Variants in MCTP1 observed in about 807,000 individuals in gnomAD.
MCTP1 encodes multiple C2 and transmembrane domain containing 1.
A neutral mutation model predicts 120.6 loss-of-function variants in MCTP1; 69 were observed. The observed-to-expected ratio is 0.57, with a 90% CI of 0.47 to 0.70. The LOEUF (loss-of-function observed/expected upper bound fraction) is 0.70, where lower values mean the gene tolerates loss of function less well. Among genes scored for constraint, MCTP1 ranks in the 30% least tolerant of loss-of-function variants. The pLI, the probability that MCTP1 is intolerant of heterozygous loss-of-function variation, is 0.00. For missense variants in MCTP1, 1,203 were observed against 1,248.8 expected (o/e 0.96, Z 0.55); for synonymous variants, 529 against 493.1 (o/e 1.07, Z -0.96).
chr5:95,234,762 G>T (rs1755351448), intron 1 of MCTP1, among the ~76,000 whole-genome samples: 1 of 152,096 alleles, frequency 6.6e-6, no homozygotes, highest in African/African-American at 2.4e-5. Context: ...TTCCTTAAAA[G>T]ATGCAAACTC....
chr5:94,735,172 A>G (rs979493187), intron 19 of MCTP1, among the ~76,000 whole-genome samples: 2 of 152,172 alleles, frequency 1.3e-5, no homozygotes, highest in South Asian at 4.1e-4. Flanking sequence ...CACCAGGAGG[A>G]CACGGAGTTA....
intron 1 of MCTP1, among the ~76,000 whole-genome samples, chr5:95,033,888 C>A (rs1840752796): frequency 6.6e-6 from 1 of 152,048 alleles, no homozygotes; most frequent in Non-Finnish European, 1.5e-5. Context: ...GATAGAAGAT[C>A]AATGTACACA....
chr5:95,078,854 T>C (rs766751679), intron 1 of MCTP1, among the ~76,000 whole-genome samples: 1 of 152,150 alleles, frequency 6.6e-6, no homozygotes, highest in Non-Finnish European at 1.5e-5. Flanking sequence ...ATAGAACCCA[T>C]ACCTAATAAA....
chr5:94,841,765 C>T (rs295212), intron 17 of MCTP1, among the ~76,000 whole-genome samples: 6,988 of 152,162 alleles, frequency 0.046, 221 homozygotes, highest in Non-Finnish European at 0.071. Flanking sequence ...GAATGTGGAA[C>T]ACATTGTTAA....
chr5:94,959,571 T>A (rs1283763953), intron 2 of MCTP1, among the ~76,000 whole-genome samples: 6 of 152,182 alleles, frequency 3.9e-5, no homozygotes, highest in Non-Finnish European at 8.8e-5. Flanking sequence ...TTCAGCAAAG[T>A]CTCAGGATAC....
intron 17 of MCTP1, among the ~76,000 whole-genome samples, chr5:94,800,902 A>G (rs1224369220): frequency 1.3e-5 from 2 of 152,082 alleles, no homozygotes; most frequent in African/African-American, 4.8e-5. Flanking sequence ...CATATCTTTT[A>G]TTTTATGAGA....
At chr5:95,078,820 A>T (rs979228824) in intron 1 of MCTP1, among the ~76,000 whole-genome samples, 2 of 152,140 alleles carry the variant, frequency 1.3e-5, no homozygotes, top group Non-Finnish European at 2.9e-5. Flanking sequence ...TCTCCATCAT[A>T]AAAAGGAAAT....
chr5:94,946,445 T>C (rs1228318875), intron 3 of MCTP1, among the ~76,000 whole-genome samples: 2 of 152,132 alleles, frequency 1.3e-5, no homozygotes, highest in Non-Finnish European at 2.9e-5. Flanking sequence ...TGGAACCATA[T>C]GGATCTTCAA....
chr5:95,217,411 C>A (rs1433714995), intron 1 of MCTP1, among the ~76,000 whole-genome samples: 1 of 152,144 alleles, frequency 6.6e-6, no homozygotes, highest in Non-Finnish European at 1.5e-5. Flanking sequence ...GTCAGAACAA[C>A]AAATACAATT....
intron 2 of MCTP1, among the ~76,000 whole-genome samples, chr5:95,003,067 A>T (rs562384721): frequency 2.0e-5 from 3 of 152,014 alleles, no homozygotes; most frequent in Admixed American, 1.3e-4. Context: ...GCTGGCATTC[A>T]TTTTCTCGCC....
intron 11 of MCTP1, 117 bp from the exon 12 acceptor site, chr5:94,889,089 A>ATCTGTTTGAAGAATATTGTAGAG: frequency 1.6e-6 from 1 of 613,732 alleles, no homozygotes; most frequent in Non-Finnish European, 2.8e-6. Context: ...AAGAAGATCA[A>ATCTGTTTGAAGAATATTGTAGAG]CATTAAACTA....
Position 94,836,412 on chromosome 5 carries a change from C to T in MCTP1, c.2436+31921G>A, listed in dbSNP as rs920885633. Among the ~76,000 whole-genome samples the T allele has an allele frequency of 9.9e-5, 15 of 152,042 alleles. 1 individual carries two copies. Among genetic ancestry groups the T allele is most frequent in the African/African-American group, 4.8e-5 (2 of 41,392 alleles). ...TAAAACATGATACGGTATTGTTAAG[C>T]GACAGAATGAATAGTAAAGACAGAC... On this transcript the variant is annotated intron_variant, in intron 17 of 22. Transcript: ENST00000515393.
At chr5:94,855,154 C>T (rs1322357387) in intron 17 of MCTP1, among the ~76,000 whole-genome samples, 1 of 151,884 alleles carries the variant, frequency 6.6e-6, no homozygotes, top group Non-Finnish European at 1.5e-5. Context: ...ATAATGGTTA[C>T]ATAGCCCTTA....
chr5:95,159,595 G>T (rs1745495667), intron 1 of MCTP1, among the ~76,000 whole-genome samples: 1 of 152,006 alleles, frequency 6.6e-6, no homozygotes, highest in Admixed American at 6.6e-5. Flanking sequence ...GTATGTACCA[G>T]ATATATCTTA....
chr5:95,237,687 A>G (rs1372719860), intron 1 of MCTP1, among the ~76,000 whole-genome samples: 1 of 152,222 alleles, frequency 6.6e-6, no homozygotes, highest in Non-Finnish European at 1.5e-5. Flanking sequence ...TGATTCATTA[A>G]TAAAACATGA....
chr5:94,722,780 T>A (rs1046841664), intron 19 of MCTP1, among the ~76,000 whole-genome samples: 5 of 152,224 alleles, frequency 3.3e-5, no homozygotes, highest in African/African-American at 9.6e-5. Context: ...TATTATAGTT[T>A]ACCATTGATT....
chr5:95,108,277 T>C (rs892094512), intron 1 of MCTP1, among the ~76,000 whole-genome samples: 2 of 152,152 alleles, frequency 1.3e-5, no homozygotes, highest in African/African-American at 4.8e-5. Context: ...CCAGGTGCGT[T>C]ACAAGAGTGG....
At chr5:95,142,939 C>T (rs1205294971) in intron 1 of MCTP1, among the ~76,000 whole-genome samples, 1 of 152,102 alleles carries the variant, frequency 6.6e-6, no homozygotes, top group African/African-American at 2.4e-5. Flanking sequence ...GATGGACATG[C>T]AAGACAATTA....
At chr5:94,807,629 G>A (rs929442388) in intron 17 of MCTP1, among the ~76,000 whole-genome samples, 1 of 152,282 alleles carries the variant, frequency 6.6e-6, no homozygotes, top group East Asian at 1.9e-4. Context: ...ACATTTCGAT[G>A]CTGAGCTGCC....
Sources: allele counts gnomAD v4.1 joint callset (sites outside exome capture counted in the v4.1 genomes callset), GRCh38; gene constraint gnomAD v4.1.1; transcripts MANE v1.5; gene names NCBI Gene and HGNC (gene_info 2026-07-23, HGNC 2026-07-21).